The following DOCK2 variants were observed in gnomAD, a reference collection of about 807,000 sequenced individuals.
DOCK2 encodes the protein dedicator of cytokinesis 2.
Under a neutral mutation model 248.9 loss-of-function variants are expected in DOCK2, and 87 were observed. The observed-to-expected ratio is 0.35, with a 90% CI of 0.29 to 0.42. The LOEUF (loss-of-function observed/expected upper bound fraction) is 0.42. DOCK2 is among the 10% of genes least tolerant of loss of function. The pLI is 1.00. For synonymous variants in DOCK2, 805 were observed against 821.6 expected, an observed-to-expected ratio of 0.98 and a Z score of 0.35; for missense variants, 1,747 against 2,300.2, an observed-to-expected ratio of 0.76 and a Z score of 4.92.
chr5:170,014,024 A>G (rs1237361017), intron 32 of DOCK2, among the ~76,000 whole-genome samples: 2 of 151,774 alleles, frequency 1.3e-5, no homozygotes, highest in African/African-American at 4.9e-5. Flanking sequence ...GAGTAAGCCA[A>G]GGATGGCCTC....
chr5:169,853,525 CA>C (rs1346551300), intron 27 of DOCK2, among the ~76,000 whole-genome samples: 1 of 152,126 alleles, frequency 6.6e-6, no homozygotes, highest in Non-Finnish European at 1.5e-5. Context: ...TTTAACAACA[CA>C]AGACTATTCT....
intron 2 of DOCK2, among the ~76,000 whole-genome samples, chr5:169,655,476 A>ATAG: frequency 6.6e-6 from 1 of 152,230 alleles, no homozygotes; most frequent in Non-Finnish European, 1.5e-5. Flanking sequence ...AAAGGCGGTC[A>ATAG]CCTGCAGGAG....
intron 27 of DOCK2, chr5:169,875,998 A>G (rs1261877255): frequency 6.6e-6 from 1 of 152,214 alleles, no homozygotes; most frequent in Non-Finnish European, 1.5e-5. Flanking sequence ...TGTAAATCAG[A>G]GTGTCAGCAG....
chr5:170,062,554 G>T (rs927086087), intron 44 of DOCK2, among the ~76,000 whole-genome samples: 3 of 152,068 alleles, frequency 2.0e-5, no homozygotes, highest in Admixed American at 6.5e-5. Flanking sequence ...TGGAGAGGAG[G>T]GCTTGGACCT....
At chr5:169,953,471 T>G (rs1486176937) in intron 27 of DOCK2, among the ~76,000 whole-genome samples, 1 of 152,196 alleles carries the variant, frequency 6.6e-6, no homozygotes, top group African/African-American at 2.4e-5. Context: ...CGCAATTCCC[T>G]TGTTTATGAA....
chr5:170,024,357 C>CTT (rs35718164), intron 33 of DOCK2, among the ~76,000 whole-genome samples: 6,501 of 100,640 alleles, frequency 0.065, 527 homozygotes, highest in Middle Eastern at 0.16. Flanking sequence ...TTGGGAGAGC[C>CTT]TTTTTTTTTT....
At chr5:169,985,979 A>T (rs1561867953) in intron 29 of DOCK2, 57 bp downstream of exon 29, 2 of 1,475,106 alleles carry the variant, frequency 1.4e-6, no homozygotes, top group East Asian at 4.8e-5. Context: ...TTCAAAGATC[A>T]CTTATTTTGG....
chr5:170,074,173 G>A (rs1757766608), intron 46 of DOCK2, among the ~76,000 whole-genome samples: 1 of 152,024 alleles, frequency 6.6e-6, no homozygotes, highest in Non-Finnish European at 1.5e-5. Flanking sequence ...TTTCATGAAT[G>A]AAGGATCTTT....
intron 30 of DOCK2, among the ~76,000 whole-genome samples, chr5:170,000,870 A>T (rs993343415): frequency 7.2e-5 from 11 of 152,208 alleles, no homozygotes. Context: ...CCATTAGTAG[A>T]GGCATGAGAG....
intron 22 of DOCK2, among the ~76,000 whole-genome samples, chr5:169,721,859 A>G (rs1762228075): frequency 6.6e-6 from 1 of 152,240 alleles, no homozygotes; most frequent in African/African-American, 2.4e-5. Context: ...AGCCAAAGAA[A>G]GAAGAGAGTG....
chr5:170,060,068 A>G (rs1715630220), intron 44 of DOCK2, among the ~76,000 whole-genome samples: 2 of 152,224 alleles, frequency 1.3e-5, no homozygotes, highest in African/African-American at 4.8e-5. Context: ...TATTTCCTCC[A>G]TAAATTATCA....
intron 27 of DOCK2, among the ~76,000 whole-genome samples, chr5:169,937,089 C>G (rs569634537): frequency 6.6e-6 from 1 of 152,286 alleles, no homozygotes; most frequent in East Asian, 1.9e-4. Context: ...GTGACTCCTT[C>G]AACAAACTTC....
intron 32 of DOCK2, among the ~76,000 whole-genome samples, chr5:170,012,871 C>T (rs1006519104): frequency 1.3e-5 from 2 of 152,196 alleles, no homozygotes; most frequent in Non-Finnish European, 2.9e-5. Context: ...CACATTCTAG[C>T]GCCTGGCATC....
chr5:169,651,038 C>T (rs1027773283), intron 1 of DOCK2, among the ~76,000 whole-genome samples: 1 of 152,156 alleles, frequency 6.6e-6, no homozygotes, highest in Non-Finnish European at 1.5e-5. Flanking sequence ...TTTTTCATCC[C>T]TTGTTCAAAA....
intron 26 of DOCK2, among the ~76,000 whole-genome samples, chr5:169,818,645 TC>T (rs1768222246): frequency 6.6e-6 from 1 of 152,218 alleles, no homozygotes; most frequent in Non-Finnish European, 1.5e-5. Flanking sequence ...TTTAGCCTTC[TC>T]TGGTGGTGAC....
intron 27 of DOCK2, among the ~76,000 whole-genome samples, chr5:169,846,356 T>G (rs1237862966): frequency 6.6e-6 from 1 of 152,202 alleles, no homozygotes; most frequent in Non-Finnish European, 1.5e-5. Flanking sequence ...GGCTTTGCGA[T>G]GACCATTCCT....
At chr5:169,682,252 A>C (rs1456332398) in intron 7 of DOCK2, among the ~76,000 whole-genome samples, 1 of 152,278 alleles carries the variant, frequency 6.6e-6, no homozygotes, top group Non-Finnish European at 1.5e-5. Context: ...GCTATGTTAA[A>C]AGGCACTGCC....
chr5:169,836,216 G>A (rs1022824150), intron 26 of DOCK2, among the ~76,000 whole-genome samples: 19 of 152,172 alleles, frequency 1.2e-4, no homozygotes, highest in Admixed American at 1.2e-3. Context: ...TAGACACTGA[G>A]CACATCAAAG....
chr5:169,666,892 T>C (rs1758765645), intron 2 of DOCK2, among the ~76,000 whole-genome samples: 1 of 152,222 alleles, frequency 6.6e-6, no homozygotes, highest in Non-Finnish European at 1.5e-5. Context: ...ATATACATAG[T>C]TGGTGCACAA....
Sources: gnomAD v4.1 joint callset for allele counts (sites outside exome capture counted in the v4.1 genomes callset) on GRCh38, gnomAD v4.1.1 for gene constraint, MANE v1.5 for transcripts, NCBI Gene and HGNC (gene_info 2026-07-23, HGNC 2026-07-21) for gene names.